BNC2: variants seen among roughly 807,000 people sequenced by gnomAD.
BNC2 encodes zinc finger protein basonuclin-2.
BNC2 carries 20 observed loss-of-function variants against 76.3 expected under a neutral mutation model. The observed-to-expected ratio is 0.26, with a 90% CI of 0.18 to 0.38. The LOEUF is 0.38. Among genes scored for constraint, BNC2 ranks in the 10% least tolerant of loss-of-function variants. BNC2 has a pLI of 1.00. For synonymous variants in BNC2, 582 were observed against 514.8 expected, an observed-to-expected ratio of 1.13 and a Z score of -1.77; for missense variants, 1,382 against 1,399.8, an observed-to-expected ratio of 0.99 and a Z score of 0.20.
chr9:16,800,430 T>G (rs1278532641), intron 1 of BNC2, among the ~76,000 whole-genome samples: 3 of 152,140 alleles, frequency 2.0e-5, no homozygotes, highest in African/African-American at 4.8e-5. Flanking sequence ...AGCTCAAAAG[T>G]AAGGCAAATC....
At position 16,437,026 on chromosome 9, in the gene BNC2, T is replaced by C; in HGVS notation, c.1168A>G (p.Ile390Val). The C allele has an allele frequency of 6.2e-7, 1 of 1,614,188 alleles. No homozygotes were observed. The highest frequency in any genetic ancestry group is 8.5e-7 in the Non-Finnish European group (1 of 1,180,044). The change falls in exon 6 of 7, where the codon ATT becomes GTT. Residue 390 changes from isoleucine to valine, a missense_variant. Physicochemically the swap from Ile to Val is conservative, Grantham distance 29 (BLOSUM62 3). This residue lies in a region of BNC2 where 557 missense variants were observed against 540.9 expected (regional missense o/e 1.03). Coordinates refer to ENST00000380672, the MANE Select transcript of BNC2 (RefSeq NM_017637.6). Reference sequence around the variant, plus strand: ...TCGGTTTTGGGCTCCACATTAGTAATGCTGGTCAGGGCATTTCTATTGGGT... The same window carrying C: ...TCGGTTTTGGGCTCCACATTAGTAACGCTGGTCAGGGCATTTCTATTGGGT... The part of the protein sequence containing the change: ...QTPNRNALTS[I>V]TNVEPKTEPA...
At chr9:16,490,440 T>A (rs1309207324) in intron 5 of BNC2, among the ~76,000 whole-genome samples, 1 of 152,174 alleles carries the variant, frequency 6.6e-6, no homozygotes, top group Non-Finnish European at 1.5e-5. Flanking sequence ...GGAGATACAA[T>A]TCAAGTTGAG....
intron 3 of BNC2, among the ~76,000 whole-genome samples, chr9:16,612,622 G>GTAAACATAAATATGTCCT (rs1307592816): frequency 1.3e-5 from 2 of 152,134 alleles, no homozygotes; most frequent in African/African-American, 4.8e-5. Context: ...ACCCTGACAT[G>GTAAACATAAATATGTCCT]TAAACATAAA....
chr9:16,579,398 C>G (rs537763775), intron 4 of BNC2, among the ~76,000 whole-genome samples: 1 of 152,000 alleles, frequency 6.6e-6, no homozygotes, highest in African/African-American at 2.4e-5. Flanking sequence ...ACCTCCCACC[C>G]CAGCCTTCAA....
chr9:16,493,692 A>G (rs1169217226), intron 5 of BNC2, among the ~76,000 whole-genome samples: 1 of 152,244 alleles, frequency 6.6e-6, no homozygotes, highest in Non-Finnish European at 1.5e-5. Context: ...GGATAAAAGT[A>G]AGGCATTCAG....
At chr9:16,832,277 G>C in intron 1 of BNC2, 1 of 1,284,456 alleles carries the variant, frequency 7.8e-7, no homozygotes, top group South Asian at 1.3e-5. Flanking sequence ...GTTCTTTGAC[G>C]TCATCAGTCA....
At chr9:16,547,032 TG>T (rs1185589999) in intron 5 of BNC2, among the ~76,000 whole-genome samples, 2 of 152,248 alleles carry the variant, frequency 1.3e-5, no homozygotes, top group African/African-American at 4.8e-5. Flanking sequence ...GTGTATCAAC[TG>T]TGCCAATTAA....
In BNC2 at chr9:16,766,334, TCA is replaced by T. The variant is rs1279386107; in HGVS notation, c.4-27851_4-27850del. 1.2e-4 allele frequency among the ~76,000 whole-genome samples: 19 copies of T among 152,244 alleles called. No homozygotes were observed. In the South Asian group the frequency reaches 3.1e-3, roughly 25 times the overall value. On this transcript the variant is annotated intron_variant, in intron 1 of 6. Transcript: ENST00000380672. Reference sequence around the variant, plus strand: ...AAGGTGGGAGGGATGAGGGGAATCCTCATTCTGCAGCTCTGAACACGAAGAGC... The same window carrying T: ...AAGGTGGGAGGGATGAGGGGAATCCTTTCTGCAGCTCTGAACACGAAGAGC...
chr9:16,432,540 G>A lies in BNC2; in HGVS notation c.2639+3015C>T, dbSNP rs142827801. On this transcript the variant is annotated intron_variant, in intron 6 of 6. Transcript: ENST00000380672. Reference sequence around the variant, plus strand: ...TGTGTAAAACTCCTCCAAGGTGTTCGAATCATGAAGAAGTCTGCTTTCGTA... The same window carrying A: ...TGTGTAAAACTCCTCCAAGGTGTTCAAATCATGAAGAAGTCTGCTTTCGTA... Among the ~76,000 whole-genome samples the A allele has an allele frequency of 3.3e-4, 51 of 152,304 alleles. No homozygotes were observed. In the East Asian group the frequency reaches 8.7e-3, roughly 26 times the overall value.
chr9:16,780,400 C>T (rs1586878520), intron 1 of BNC2, among the ~76,000 whole-genome samples: 13 of 151,482 alleles, frequency 8.6e-5, no homozygotes, highest in Admixed American at 7.9e-4. Context: ...GGGGAAACCC[C>T]GTCTCTACTA....
At chr9:16,828,206 A>G (rs181237462) in intron 1 of BNC2, among the ~76,000 whole-genome samples, 179 of 152,366 alleles carry the variant, frequency 1.2e-3, no homozygotes, top group Non-Finnish European at 2.1e-3. Flanking sequence ...TTTTAATACC[A>G]AAATATTCTA....
rs1308901616 is a variant in BNC2, at chr9:16,677,602, C to CAA, written c.330+50194_330+50195insTT. Among the ~76,000 whole-genome samples the CAA allele has an allele frequency of 2.0e-3, 311 of 151,948 alleles. 2 individuals are homozygous for CAA. The highest frequency in any genetic ancestry group is 6.8e-3 in the African/African-American group (283 of 41,340). On this transcript the variant is annotated intron_variant, in intron 3 of 6. Transcript: ENST00000380672. ...AAACACACACACACACACACACACA[C>CAA]ACACAGTAGCAATATCCTGACTACT...
intron 3 of BNC2, chr9:16,705,128 C>G (rs1823627872): frequency 6.6e-6 from 1 of 151,896 alleles, no homozygotes. Flanking sequence ...TCCTGAGTCT[C>G]TAAGTCACCC....
chr9:16,834,069 C>A (rs557619239), intron 1 of BNC2, among the ~76,000 whole-genome samples: 25 of 152,240 alleles, frequency 1.6e-4, no homozygotes, highest in Admixed American at 1.4e-3. Context: ...TCAGAGAAAT[C>A]TTCTCTGACC....
chr9:16,755,528 G>A (rs1169107140), intron 1 of BNC2, among the ~76,000 whole-genome samples: 1 of 152,108 alleles, frequency 6.6e-6, no homozygotes, highest in East Asian at 1.9e-4. Context: ...TGACAAAAGA[G>A]ATGACCCCCC....
chr9:16,437,569 T>A, intron 5 of BNC2, 45 bp from the exon 6 acceptor site: 1 of 1,595,454 alleles, frequency 6.3e-7, no homozygotes, highest in Non-Finnish European at 8.5e-7. Flanking sequence ...CACAAAAACT[T>A]ATTGATTGTG....
At chr9:16,620,199 A>G (rs569524425) in intron 3 of BNC2, among the ~76,000 whole-genome samples, 25 of 152,320 alleles carry the variant, frequency 1.6e-4, no homozygotes, top group African/African-American at 5.8e-4. Context: ...AAGGGAGAGA[A>G]AAAATCATTC....
At chr9:16,724,291 C>T (rs1008927042) in intron 3 of BNC2, among the ~76,000 whole-genome samples, 38 of 151,376 alleles carry the variant, frequency 2.5e-4, no homozygotes, top group African/African-American at 9.2e-4. Context: ...CTCAAATGCA[C>T]AAAATATTTA....
At chr9:16,450,027 C>A (rs767463600) in intron 5 of BNC2, among the ~76,000 whole-genome samples, 1 of 152,100 alleles carries the variant, frequency 6.6e-6, no homozygotes, top group Non-Finnish European at 1.5e-5. Flanking sequence ...TGACTTATAA[C>A]TAGTCCAGAC....
Sources: allele counts gnomAD v4.1 joint callset (sites outside exome capture counted in the v4.1 genomes callset), GRCh38; gene constraint gnomAD v4.1.1; regional missense constraint gnomAD v4.1.1; transcripts MANE v1.5; gene names NCBI Gene and HGNC (gene_info 2026-07-23, HGNC 2026-07-21).